Variants in CCSER1 observed in about 807,000 individuals in gnomAD.
CCSER1 encodes serine-rich coiled-coil domain-containing protein 1.
CCSER1 carries 41 observed loss-of-function variants against 82.0 expected under a neutral mutation model. That is an observed-to-expected ratio of 0.50 (90% CI 0.39 to 0.65). The LOEUF (loss-of-function observed/expected upper bound fraction) is 0.65. CCSER1 is among the 30% of genes least tolerant of loss of function. CCSER1 has a pLI of 0.00. For missense variants in CCSER1, 1,119 were observed against 1,064.2 expected, an observed-to-expected ratio of 1.05 and a Z score of -0.72; for synonymous variants, 414 against 383.9, an observed-to-expected ratio of 1.08 and a Z score of -0.92.
intron 1 of CCSER1, among the ~76,000 whole-genome samples, chr4:90,164,922 A>G (rs1011587534): frequency 2.0e-5 from 3 of 152,138 alleles, no homozygotes; most frequent in African/African-American, 7.2e-5. Context: ...GCATACAGAA[A>G]TGGGCCAGAA....
At chr4:91,104,301 T>C (rs1056199740) in intron 10 of CCSER1, among the ~76,000 whole-genome samples, 1 of 152,188 alleles carries the variant, frequency 6.6e-6, no homozygotes, top group African/African-American at 2.4e-5. Flanking sequence ...CATGTGATAT[T>C]TGTACCTACT....
chr4:90,973,541 C>T (rs62309785), intron 9 of CCSER1, among the ~76,000 whole-genome samples: 1 of 151,388 alleles, frequency 6.6e-6, no homozygotes. Flanking sequence ...AGAGAAAAAG[C>T]AACCCTTGTA....
chr4:90,473,064 A>G (rs1276835512), intron 5 of CCSER1, among the ~76,000 whole-genome samples: 2 of 152,214 alleles, frequency 1.3e-5, no homozygotes, highest in African/African-American at 2.4e-5. Context: ...ATAACCAAGT[A>G]TCCAGCTACA....
At chr4:91,205,312 A>G (rs921192980) in intron 10 of CCSER1, among the ~76,000 whole-genome samples, 1 of 151,852 alleles carries the variant, frequency 6.6e-6, no homozygotes, top group Non-Finnish European at 1.5e-5. Context: ...TTGTTTCAGG[A>G]CGAAATACGT....
intron 1 of CCSER1, among the ~76,000 whole-genome samples, chr4:90,228,603 G>A (rs915810609): frequency 1.3e-4 from 20 of 152,276 alleles, no homozygotes; most frequent in Admixed American, 3.9e-4. Context: ...CACCAGCAAC[G>A]GAACAAAGCT....
At chr4:91,107,747 C>G (rs533471747) in intron 10 of CCSER1, among the ~76,000 whole-genome samples, 1 of 150,846 alleles carries the variant, frequency 6.6e-6, no homozygotes, top group African/African-American at 2.4e-5. Flanking sequence ...AGAAGATTCT[C>G]ATGATCTGGA....
At chr4:91,506,745 T>G (rs1759513016) in intron 10 of CCSER1, among the ~76,000 whole-genome samples, 1 of 152,306 alleles carries the variant, frequency 6.6e-6, no homozygotes, top group South Asian at 2.1e-4. Flanking sequence ...GTGCATAGAG[T>G]TGAGCAACCA....
At chr4:90,441,488 G>A (rs1578480578) in intron 4 of CCSER1, among the ~76,000 whole-genome samples, 1 of 151,672 alleles carries the variant, frequency 6.6e-6, no homozygotes. Context: ...TTTTTTTAAG[G>A]GCACTAATTC....
At chr4:90,631,969 T>A (rs1335383260) in intron 6 of CCSER1, among the ~76,000 whole-genome samples, 4 of 152,180 alleles carry the variant, frequency 2.6e-5, no homozygotes, top group Non-Finnish European at 4.4e-5. Flanking sequence ...TATGCAAATA[T>A]TCTAAAGTCT....
intron 8 of CCSER1, among the ~76,000 whole-genome samples, chr4:90,888,410 G>A (rs1295601855): frequency 6.6e-6 from 1 of 152,108 alleles, no homozygotes; most frequent in Non-Finnish European, 1.5e-5. Context: ...AGAAAGAGTA[G>A]TGAACAAGAA....
chr4:90,698,557 GA>G (rs1287376667), intron 6 of CCSER1, among the ~76,000 whole-genome samples: 1 of 152,072 alleles, frequency 6.6e-6, no homozygotes, highest in Non-Finnish European at 1.5e-5. Flanking sequence ...TCTTTCTCTA[GA>G]AAGTGAATTG....
intron 10 of CCSER1, among the ~76,000 whole-genome samples, chr4:91,184,158 A>C (rs372949805): frequency 6.6e-6 from 1 of 152,340 alleles, no homozygotes; most frequent in Admixed American, 6.5e-5. Flanking sequence ...CACAAAATAT[A>C]TCATCCATAT....
intron 7 of CCSER1, among the ~76,000 whole-genome samples, chr4:90,732,762 C>A (rs1265814949): frequency 6.6e-6 from 1 of 152,044 alleles, no homozygotes; most frequent in Non-Finnish European, 1.5e-5. Context: ...TATTTAGCTC[C>A]CATAAATAAG....
At chr4:91,010,662 A>G (rs183579430) in intron 9 of CCSER1, among the ~76,000 whole-genome samples, 1 of 134,900 alleles carries the variant, frequency 7.4e-6, no homozygotes, top group Admixed American at 7.3e-5. Flanking sequence ...CTTCAAGTTC[A>G]GATATTCTTT....
chr4:90,665,668 A>C (rs1372430115), intron 6 of CCSER1, among the ~76,000 whole-genome samples: 2 of 152,134 alleles, frequency 1.3e-5, no homozygotes, highest in African/African-American at 4.8e-5. Context: ...CAGCTGAGGG[A>C]AATGCTAATC....
At chr4:91,148,328 T>C (rs1430289982) in intron 10 of CCSER1, among the ~76,000 whole-genome samples, 2 of 152,138 alleles carry the variant, frequency 1.3e-5, no homozygotes, top group African/African-American at 4.8e-5. Flanking sequence ...TCTTAAGATA[T>C]ACCACGCAGA....
At chr4:90,396,462 T>G (rs1436079499) in intron 3 of CCSER1, among the ~76,000 whole-genome samples, 1 of 152,122 alleles carries the variant, frequency 6.6e-6, no homozygotes, top group African/African-American at 2.4e-5. Flanking sequence ...ATAAGTATAA[T>G]AAGAAAAACA....
At chr4:91,538,405 C>T (rs1453550176) in intron 10 of CCSER1, among the ~76,000 whole-genome samples, 1 of 151,520 alleles carries the variant, frequency 6.6e-6, no homozygotes, top group Non-Finnish European at 1.5e-5. Flanking sequence ...TGTTCTGAAA[C>T]AGTTAAAAAT....
chr4:91,592,957 A>C (rs1764334693), intron 10 of CCSER1, among the ~76,000 whole-genome samples: 1 of 152,178 alleles, frequency 6.6e-6, no homozygotes, highest in South Asian at 2.1e-4. Flanking sequence ...CATTCATGGC[A>C]ACTACCAATA....
Sources: gnomAD v4.1 joint callset for allele counts (sites outside exome capture counted in the v4.1 genomes callset) on GRCh38, gnomAD v4.1.1 for gene constraint, MANE v1.5 for transcripts, NCBI Gene and HGNC (gene_info 2026-07-23, HGNC 2026-07-21) for gene names.